NLRP10: variants seen among roughly 807,000 people sequenced by gnomAD.
NLRP10 encodes NACHT, LRR and PYD domains-containing protein 10.
In NLRP10, 7 loss-of-function variants were observed where a neutral mutation model predicts 8.2. That is an observed-to-expected ratio of 0.85 (90% CI 0.48 to 1.60). NLRP10 has a LOEUF of 1.60. NLRP10 is among the 40% of genes most tolerant of loss of function. The pLI is 0.00. For missense variants in NLRP10, 814 were observed against 776.3 expected (o/e 1.05, Z -0.58); for synonymous variants, 338 against 314.0 (o/e 1.08, Z -0.81).
chr11:7,961,002 A>G lies in NLRP10; in HGVS notation c.610T>C (p.Phe204Leu). Residue 204 changes from phenylalanine (F) to leucine (L), a missense_variant, in exon 3 of 3, where the codon TTT becomes CTT. Transcript: ENST00000691676. ...ACCACTTCTTTGCAGCTTACATAAAAGACATAATCAAACCGGCCTGGGTAC... is the reference window on the plus strand; with the variant it reads ...ACCACTTCTTTGCAGCTTACATAAAGGACATAATCAAACCGGCCTGGGTAC... The part of the protein sequence containing the change: ...TLYPGRFDYV[F>L]YVSCKEVVLL... 1 of 1,614,182 alleles carries G rather than the reference A, an allele frequency of 6.2e-7. No homozygotes were observed. Among genetic ancestry groups the G allele is most frequent in the South Asian group, 1.1e-5 (1 of 91,080 alleles).
rs1407671787 is a variant in NLRP10 at position 7,959,407 on chromosome 11, CT to C, written c.*236del. 3 of 427,380 alleles carry C rather than the reference CT, an allele frequency of 7.0e-6. No individual in the cohort carries two copies. The highest frequency in any genetic ancestry group is 1.2e-4 in the South Asian group (2 of 16,034). The allele number at this position is 427,380 out of a possible 1,614,324, so 26.5% of individuals were successfully genotyped here. A position where few individuals can be genotyped will look rare whatever the true frequency, so the allele number is the denominator to read the frequency against. ...TTATTGGCTATTCTGAGTCTTTTGCCTTTGCACATAAACATTAGAATCATCT... is the reference window on the plus strand; with the variant it reads ...TTATTGGCTATTCTGAGTCTTTTGCCTTGCACATAAACATTAGAATCATCT... On this transcript the variant is annotated 3_prime_UTR_variant, in exon 3 of 3. Coordinates refer to ENST00000691676, the MANE Select transcript of NLRP10 (RefSeq NM_001391958.1).
chr11:7,964,255 G>C (rs1272290536), intron 1 of NLRP10, among the ~76,000 whole-genome samples: 1 of 152,160 alleles, frequency 6.6e-6, no homozygotes, highest in African/African-American at 2.4e-5. Context: ...ACTGTCCCTG[G>C]CTGTGTGAAC....
In NLRP10 at chr11:7,959,651, TA is replaced by T; in HGVS notation, c.1960del (p.Tyr654ThrfsTer6). On this transcript the variant is annotated frameshift_variant, in exon 3 of 3. Coordinates refer to ENST00000691676, the MANE Select transcript of NLRP10 (RefSeq NM_001391958.1). LOFTEE classifies it high-confidence loss of function. ...GTACATATTTAATTAGGTTTATATG[TA>T]AGTATTTTTTGGTGTTTCCTCTGTC... Reference protein sequence around the residue: ...RGTEETPKNTYI With the variant: ...RGTEETPKNTXI 6.6e-7 allele frequency: 1 copy of T among 1,515,962 alleles called. No homozygotes were observed. The highest frequency in any genetic ancestry group is 8.9e-7 in the Non-Finnish European group (1 of 1,118,478). 93.9% of individuals were successfully genotyped at this position (1,515,962 alleles called of 1,614,324 possible).
intron 2 of NLRP10, among the ~76,000 whole-genome samples, chr11:7,962,321 C>T (rs868045619): frequency 2.1e-5 from 3 of 140,186 alleles, no homozygotes; most frequent in East Asian, 2.2e-4. Flanking sequence ...CTGCAAGCTC[C>T]GCCTCCCGGG....
Position 7,963,253 on chromosome 11 carries a change from C to T in NLRP10, c.243G>A (p.Met81Ile), listed in dbSNP as rs1001050520. 3 of 1,614,114 alleles carry T rather than the reference C, an allele frequency of 1.9e-6. No homozygotes were observed. The highest frequency in any genetic ancestry group is 2.5e-6 in the Non-Finnish European group (3 of 1,180,046). ...VKVVLKGLKVMNLLELVDQLS... is the reference protein window; with the variant it reads ...VKVVLKGLKVINLLELVDQLS... ...GCTGGTCCACAAGTTCCAACAGGTTCATGACCTTCAAGCCCTTGAGGACAA... is the reference window on the plus strand; with the variant it reads ...GCTGGTCCACAAGTTCCAACAGGTTTATGACCTTCAAGCCCTTGAGGACAA... Residue 81 changes from methionine to isoleucine, a missense_variant, in exon 2 of 3, where the codon ATG (methionine) becomes ATA (isoleucine). By Grantham distance (10) the Met-to-Ile change is conservative. Coordinates refer to ENST00000691676, the MANE Select transcript of NLRP10 (RefSeq NM_001391958.1).
chr11:7,961,417 A>G, intron 2 of NLRP10, 95 bp from the exon 3 acceptor site: 3 of 793,480 alleles, frequency 3.8e-6, no homozygotes, highest in Non-Finnish European at 4.1e-6. Flanking sequence ...GTCTTCTTGT[A>G]TGTCTCCAAC....
intron 2 of NLRP10, 37 bp from the exon 3 acceptor site, chr11:7,961,359 G>C (rs757263789): frequency 7.0e-7 from 1 of 1,426,282 alleles, no homozygotes; most frequent in Non-Finnish European, 9.5e-7. Context: ...TAGTGAAATG[G>C]GAATTTTAGA....
rs753410241 is a variant in NLRP10, at chr11:7,963,209, T to A, written c.287A>T (p.His96Leu). 37 of 1,613,700 alleles carry A rather than the reference T, an allele frequency of 2.3e-5. No individual in the cohort carries two copies. The highest frequency in any genetic ancestry group is 2.2e-4 in the Admixed American group (13 of 59,998). The change falls in exon 2 of 3, where the codon CAT (histidine) becomes CTT (leucine). Residue 96 changes from histidine (H) to leucine (L), a missense_variant and splice_region_variant. Transcript: ENST00000691676. ...CCCTTCCCCCGCTCCACACTCACCA[T>A]GCAGACAAATATGGCTGAGCTGGTC... ...LVDQLSHICL[H>L]DYREVYREHV... is the part of the protein sequence containing the mutation.
At chr11:7,961,413 T>C (rs966536435) in intron 2 of NLRP10, 91 bp from the exon 3 acceptor site, 1 of 814,900 alleles carries the variant, frequency 1.2e-6, no homozygotes, top group South Asian at 1.7e-5. Context: ...ATTAGTCTTC[T>C]TGTATGTCTC....
Position 7,960,044 on chromosome 11 carries a change from T to G in NLRP10, c.1568A>C (p.Lys523Thr). Residue 523 changes from lysine to threonine, a missense_variant, in exon 3 of 3, where the codon AAA (lysine) becomes ACA (threonine). Coordinates refer to ENST00000691676, the MANE Select transcript of NLRP10 (RefSeq NM_001391958.1). The stretch of plus-strand genomic sequence containing the variant: ...GAGCTCCAAGTTCGAGAAGCTGTCT[T>G]TTTTCGAGATGTCCAGTAAAAACTG... ...TMQFLLDISK[K>T]DSFSNLELKF... The G allele has an allele frequency of 3.1e-6, 5 of 1,614,098 alleles. No individual in the cohort carries two copies. Among genetic ancestry groups the G allele is most frequent in the Non-Finnish European group, 2.5e-6 (3 of 1,180,014 alleles).
intron 2 of NLRP10, among the ~76,000 whole-genome samples, chr11:7,962,659 T>C (rs1941751706): frequency 6.6e-6 from 1 of 152,036 alleles, no homozygotes; most frequent in Non-Finnish European, 1.5e-5. Flanking sequence ...CTTTCAAGCA[T>C]GAAAGGAGCC....
At chr11:7,961,941 G>T (rs1282206273) in intron 2 of NLRP10, among the ~76,000 whole-genome samples, 1 of 152,098 alleles carries the variant, frequency 6.6e-6, no homozygotes, top group Non-Finnish European at 1.5e-5. Flanking sequence ...CCTCCCCACG[G>T]TAATGAACGA....
chr11:7,961,288 G>T lies in NLRP10; in HGVS notation c.324C>A (p.Cys108Ter). Reference protein sequence around the residue: ...YREVYREHVRCLEEWQEAGVN... With the variant: ...YREVYREHVR ...CTCCTGCTTCCTGCCATTCCTCTAGGCAGCGCACATGCTCTCGGTATACTT... is the reference window on the plus strand; with the variant it reads ...CTCCTGCTTCCTGCCATTCCTCTAGTCAGCGCACATGCTCTCGGTATACTT... Residue 108 changes from cysteine to a stop codon, truncating the protein, a stop_gained, in exon 3 of 3, where the codon TGC becomes TGA. Coordinates refer to ENST00000691676, the MANE Select transcript of NLRP10 (RefSeq NM_001391958.1). LOFTEE classifies it low-confidence loss of function (END_TRUNC). 1 of 1,598,086 alleles carries T rather than the reference G, an allele frequency of 6.3e-7. No homozygotes were observed. Among genetic ancestry groups the T allele is most frequent in the Non-Finnish European group, 8.5e-7 (1 of 1,170,712 alleles).
chr11:7,963,315 G>C lies in NLRP10; in HGVS notation c.181C>G (p.Leu61Val). 1 of 1,614,210 alleles carries C rather than the reference G, an allele frequency of 6.2e-7. No homozygotes were observed. Among genetic ancestry groups the C allele is most frequent in the African/African-American group, 1.3e-5 (1 of 75,042 alleles). ...TCCTTTTCTCCATACTTTGAAATCA[G>C]TAATTCTGCCAGGTCCACCGGAATC... ...GLIPVDLAEL[L>V]ISKYGEKEAV... The change falls in exon 2 of 3, where the codon CTG (leucine) becomes GTG (valine). Residue 61 changes from leucine to valine, a missense_variant. Transcript: ENST00000691676.
intron 1 of NLRP10, chr11:7,963,795 T>TCC: frequency 2.2e-6 from 1 of 445,878 alleles, no homozygotes; most frequent in East Asian, 3.5e-5. Flanking sequence ...TCTCTCTCTC[T>TCC]CCCCCAAACT....
chr11:7,965,323 C>T lies in NLRP10; in HGVS notation c.-123G>A, dbSNP rs1179030171. ...GATCCAGGAGCCCAGTAAGCAAAGC[C>T]TGGGGACTGAGACGAAACAGATCCC... is the stretch of plus-strand genomic sequence containing the variant. On this transcript the variant is annotated 5_prime_UTR_variant, in exon 1 of 3. Coordinates refer to ENST00000691676, the MANE Select transcript of NLRP10 (RefSeq NM_001391958.1). 6.6e-6 allele frequency: 1 copy of T among 152,262 alleles called. No individual in the cohort carries two copies. The highest frequency in any genetic ancestry group is 2.4e-5 in the African/African-American group (1 of 41,460). The allele number at this position is 152,262 out of a possible 1,614,324, so 9.4% of individuals were successfully genotyped here.
chr11:7,961,434 C>T, intron 2 of NLRP10, 112 bp from the exon 3 acceptor site: 1 of 719,048 alleles, frequency 1.4e-6, no homozygotes, highest in Middle Eastern at 2.5e-4. Flanking sequence ...CAACTTGGAT[C>T]TTGCTGAGAT....
chr11:7,960,302 TTA>T lies in NLRP10; in HGVS notation c.1308_1309del (p.His436GlnfsTer13), dbSNP rs771637902. Reference sequence around the variant, plus strand: ...AGCGGCAAGCCTGGGGCCATCTAAATTATGTTTCCTGAGCTCAGCTTCTTCAA... The same window carrying T: ...AGCGGCAAGCCTGGGGCCATCTAAATTGTTTCCTGAGCTCAGCTTCTTCAA... On this transcript the variant is annotated frameshift_variant, in exon 3 of 3. Coordinates refer to ENST00000691676, the MANE Select transcript of NLRP10 (RefSeq NM_001391958.1). LOFTEE classifies it low-confidence loss of function (END_TRUNC). 2 of 1,614,148 alleles carry T rather than the reference TTA, an allele frequency of 1.2e-6. No individual in the cohort carries two copies. The highest frequency in any genetic ancestry group is 1.1e-5 in the South Asian group (1 of 91,082).
intron 1 of NLRP10, among the ~76,000 whole-genome samples, chr11:7,964,525 A>G (rs757114020): frequency 2.6e-5 from 4 of 152,226 alleles, no homozygotes; most frequent in Non-Finnish European, 5.9e-5. Flanking sequence ...CGTCTCAGGA[A>G]CTGTTCCACA....
Sources: allele counts gnomAD v4.1 joint callset (sites outside exome capture counted in the v4.1 genomes callset), GRCh38; gene constraint gnomAD v4.1.1; transcripts MANE v1.5; gene names NCBI Gene and HGNC (gene_info 2026-07-23, HGNC 2026-07-21).